The following SCGB2B2 variants were observed in gnomAD, a reference collection of about 807,000 sequenced individuals.
SCGB2B2 encodes secretoglobin family 2B member 2.
Under a neutral mutation model 7.6 loss-of-function variants are expected in SCGB2B2, and 11 were observed. The observed-to-expected ratio is 1.45, with a 90% CI of 0.91 to 2.40. SCGB2B2 has a LOEUF of 2.40. Ranked by LOEUF, SCGB2B2 falls within the 30% of genes most tolerant of loss-of-function variation. The pLI, the probability that SCGB2B2 is intolerant of heterozygous loss-of-function variation, is 0.00. For synonymous variants in SCGB2B2, 50 were observed against 48.6 expected (o/e 1.03, Z -0.12); for missense variants, 104 against 115.4 (o/e 0.90, Z 0.45).
chr19:34,596,958 G>A (rs2065474879), intron 1 of SCGB2B2, among the ~76,000 whole-genome samples: 1 of 151,818 alleles, frequency 6.6e-6, no homozygotes, highest in African/African-American at 2.4e-5. Flanking sequence ...TCTAGAGGGA[G>A]GGGGGTCCTC....
intron 1 of SCGB2B2, chr19:34,646,464 A>G (rs901811377): frequency 6.6e-6 from 1 of 152,598 alleles, no homozygotes; most frequent in Non-Finnish European, 1.5e-5. Flanking sequence ...ACACATGCAG[A>G]GTCACACTCA....
At chr19:34,640,398 C>T (rs1359119835) in intron 1 of SCGB2B2, 2 of 152,084 alleles carry the variant, frequency 1.3e-5, no homozygotes, top group Admixed American at 6.6e-5. Flanking sequence ...GGTGTGAGCC[C>T]CTGCACCCAG....
intron 1 of SCGB2B2, among the ~76,000 whole-genome samples, chr19:34,644,364 T>G (rs533148111): frequency 0.019 from 2,716 of 146,708 alleles, 37 homozygotes; most frequent in South Asian, 0.082. Flanking sequence ...TTTTTTTTGT[T>G]TTTTTTTTTT....
chr19:34,633,725 A>C (rs2066599100), intron 1 of SCGB2B2, among the ~76,000 whole-genome samples: 1 of 152,096 alleles, frequency 6.6e-6, no homozygotes, highest in Admixed American at 6.6e-5. Flanking sequence ...ACATTAGATA[A>C]CACTTAATAC....
At chr19:34,641,274 T>C (rs2066833037) in intron 1 of SCGB2B2, among the ~76,000 whole-genome samples, 1 of 152,188 alleles carries the variant, frequency 6.6e-6, no homozygotes, top group Non-Finnish European at 1.5e-5. Flanking sequence ...AAATCTTAAA[T>C]GTGTGTATGC....
intron 1 of SCGB2B2, among the ~76,000 whole-genome samples, chr19:34,629,903 A>G (rs2066480734): frequency 6.6e-6 from 1 of 152,036 alleles, no homozygotes; most frequent in African/African-American, 2.4e-5. Context: ...AGGTACTGGT[A>G]CCAAAACAGA....
chr19:34,625,046 C>A (rs905545408), intron 1 of SCGB2B2, among the ~76,000 whole-genome samples: 1 of 152,200 alleles, frequency 6.6e-6, no homozygotes, highest in Non-Finnish European at 1.5e-5. Context: ...TTCTTGTTAT[C>A]TGAGGTATTA....
chr19:34,666,699 T>C (rs1445136446), intron 1 of SCGB2B2, among the ~76,000 whole-genome samples: 1 of 152,128 alleles, frequency 6.6e-6, no homozygotes, highest in Non-Finnish European at 1.5e-5. Flanking sequence ...CCACCCCAAG[T>C]GTAACCCACA....
chr19:34,621,939 G>T (rs1000377613), intron 1 of SCGB2B2, among the ~76,000 whole-genome samples: 2 of 152,132 alleles, frequency 1.3e-5, no homozygotes, highest in African/African-American at 4.8e-5. Flanking sequence ...GCAAGGACAG[G>T]TTTTTTTAAC....
chr19:34,647,516 C>G (rs1049639278), intron 1 of SCGB2B2, among the ~76,000 whole-genome samples: 1 of 152,180 alleles, frequency 6.6e-6, no homozygotes, highest in African/African-American at 2.4e-5. Flanking sequence ...TCTCAGCTGT[C>G]ATTTCCTCCC....
At chr19:34,597,918 G>A (rs574470581) in intron 1 of SCGB2B2, among the ~76,000 whole-genome samples, 13 of 152,110 alleles carry the variant, frequency 8.5e-5, no homozygotes, top group African/African-American at 1.9e-4. Flanking sequence ...GGGTCAGGGC[G>A]TTTTCAAGAG....
intron 1 of SCGB2B2, among the ~76,000 whole-genome samples, chr19:34,638,471 C>T (rs2066751041): frequency 7.7e-6 from 1 of 130,300 alleles, no homozygotes; most frequent in African/African-American, 2.7e-5. Flanking sequence ...GAACACCCAT[C>T]CCCCCCCAAA....
intron 1 of SCGB2B2, among the ~76,000 whole-genome samples, chr19:34,639,317 G>C (rs1342539191): frequency 6.6e-6 from 1 of 152,200 alleles, no homozygotes; most frequent in Non-Finnish European, 1.5e-5. Context: ...TGATATTCTA[G>C]ACATCACTAC....
chr19:34,647,692 A>G (rs1217803741), intron 1 of SCGB2B2, among the ~76,000 whole-genome samples: 1 of 152,172 alleles, frequency 6.6e-6, no homozygotes, highest in Non-Finnish European at 1.5e-5. Flanking sequence ...CGGACACCCC[A>G]TGAAGAACAA....
rs1001029817 is a variant in SCGB2B2, at chr19:34,592,826, G to A, written c.*729C>T. On this transcript the variant is annotated 3_prime_UTR_variant, in exon 4 of 4. Coordinates refer to ENST00000601241, the MANE Select transcript of SCGB2B2 (RefSeq NM_001025591.4). ...TCCCACCAGCCCCAGGAGCAGAGCT[G>A]AGCTGCAGGTATTTATGGGGACGCT... 2.0e-5 allele frequency among the ~76,000 whole-genome samples: 3 copies of A among 152,204 alleles called. No individual in the cohort carries two copies. The highest frequency in any genetic ancestry group is 4.4e-5 in the Non-Finnish European group (3 of 68,038).
At chr19:34,643,776 G>T (rs28588741) in intron 1 of SCGB2B2, among the ~76,000 whole-genome samples, 2,754 of 152,062 alleles carry the variant, frequency 0.018, 88 homozygotes, top group African/African-American at 0.061. Flanking sequence ...GTTCAATGAG[G>T]ATAGTCCAAA....
intron 1 of SCGB2B2, among the ~76,000 whole-genome samples, chr19:34,604,535 AT>A (rs2065724470): frequency 6.6e-6 from 1 of 152,194 alleles, no homozygotes; most frequent in Admixed American, 6.5e-5. Context: ...ATCATCAATG[AT>A]TGTCATTTTA....
chr19:34,594,439 A>C, intron 2 of SCGB2B2, 64 bp downstream of exon 2: 1 of 1,602,384 alleles, frequency 6.2e-7, no homozygotes, highest in Non-Finnish European at 8.6e-7. Context: ...AGACCTTGGG[A>C]TGGTGATGAG....
At position 34,656,415 on chromosome 19, in the gene SCGB2B2, C is replaced by A. The variant is rs554239008; in HGVS notation, c.-2032+19215G>T. On this transcript the variant is annotated intron_variant, in intron 1 of 3. Transcript: ENST00000601241. ...GCCAGGAGTTCAAGACCATGTTGGG[C>A]AATATGGCAAAATGTTGTCTCTACA... Among the ~76,000 whole-genome samples the A allele has an allele frequency of 2.1e-4, 32 of 151,212 alleles. 1 individual carries two copies. The East Asian group carries it at 6.0e-3, about 28-fold the overall frequency.
Sources: allele counts gnomAD v4.1 joint callset (sites outside exome capture counted in the v4.1 genomes callset), GRCh38; gene constraint gnomAD v4.1.1; transcripts MANE v1.5; gene names NCBI Gene and HGNC (gene_info 2026-07-23, HGNC 2026-07-21).